HS3ST4: variants seen among roughly 807,000 people sequenced by gnomAD.
HS3ST4 encodes heparan sulfate glucosamine 3-O-sulfotransferase 4.
Under a neutral mutation model 29.2 loss-of-function variants are expected in HS3ST4, and 17 were observed. The observed-to-expected ratio is 0.58, with a 90% confidence interval of 0.40 to 0.87. The LOEUF (loss-of-function observed/expected upper bound fraction) is 0.87. Ranked by LOEUF, HS3ST4 falls within the 40% of genes least tolerant of loss-of-function variation. HS3ST4 has a pLI of 0.00. For missense variants in HS3ST4, 627 were observed against 634.5 expected (o/e 0.99, Z 0.13); for synonymous variants, 314 against 285.7 (o/e 1.10, Z -1.00).
chr16:25,922,938 C>T (rs1269365542), intron 1 of HS3ST4, among the ~76,000 whole-genome samples: 1 of 152,190 alleles, frequency 6.6e-6, no homozygotes, highest in African/African-American at 2.4e-5. Context: ...AAGGTCAGGG[C>T]CATTGGTCAG....
At chr16:25,771,456 C>T (rs1307310871) in intron 1 of HS3ST4, among the ~76,000 whole-genome samples, 1 of 152,044 alleles carries the variant, frequency 6.6e-6, no homozygotes, top group Admixed American at 6.6e-5. Context: ...TTTCCTACCC[C>T]AGGGCCTTTG....
chr16:25,826,897 G>A (rs1967222822), intron 1 of HS3ST4, among the ~76,000 whole-genome samples: 1 of 152,160 alleles, frequency 6.6e-6, no homozygotes, highest in Admixed American at 6.5e-5. Flanking sequence ...TTTCAAGACA[G>A]TGATGATCCT....
chr16:25,721,773 T>C (rs1349586810), intron 1 of HS3ST4, among the ~76,000 whole-genome samples: 2 of 152,296 alleles, frequency 1.3e-5, no homozygotes, highest in Non-Finnish European at 2.9e-5. Context: ...AAGAACGTCA[T>C]GAGGGAAAGA....
rs144127239 is a variant in HS3ST4 at position 25,935,117 on chromosome 16, C to T, written c.735-200495C>T. Among the ~76,000 whole-genome samples the T allele has an allele frequency of 4.4e-3, 665 of 152,256 alleles. 3 individuals carry two copies. The highest frequency in any genetic ancestry group is 0.016 in the African/African-American group (645 of 41,558). On this transcript the variant is annotated intron_variant, in intron 1 of 1. Transcript: ENST00000331351. ...CCACCGTGTGAGAAGGTCCAATCAC[C>T]TTCCACCATGATTGTAAGTTTCCTG...
chr16:26,099,722 A>G (rs187690058), intron 1 of HS3ST4, among the ~76,000 whole-genome samples: 1 of 152,300 alleles, frequency 6.6e-6, no homozygotes, highest in East Asian at 1.9e-4. Flanking sequence ...CAGGGCAGAT[A>G]AAAATCTCTA....
chr16:25,988,540 T>C (rs1969084359), intron 1 of HS3ST4, among the ~76,000 whole-genome samples: 1 of 152,198 alleles, frequency 6.6e-6, no homozygotes, highest in Non-Finnish European at 1.5e-5. Context: ...ATTGAACACA[T>C]GATCTAAGGT....
At chr16:25,886,179 C>T (rs1201217762) in intron 1 of HS3ST4, among the ~76,000 whole-genome samples, 2 of 151,756 alleles carry the variant, frequency 1.3e-5, no homozygotes, top group African/African-American at 4.8e-5. Flanking sequence ...ACTACAGGTG[C>T]GTGCCACCAT....
chr16:25,703,834 T>C (rs1327537533), intron 1 of HS3ST4, among the ~76,000 whole-genome samples: 1 of 152,206 alleles, frequency 6.6e-6, no homozygotes, highest in Non-Finnish European at 1.5e-5. Flanking sequence ...TTCCTTTAGG[T>C]GTTGGCTGAA....
rs556881747 is a variant in HS3ST4 at position 25,852,292 on chromosome 16, T to TA, written c.734+159147dup. Among the ~76,000 whole-genome samples the TA allele has an allele frequency of 6.9e-4, 105 of 152,252 alleles. 3 individuals carry two copies. In the South Asian group the frequency reaches 0.021, roughly 31 times the overall value. On this transcript the variant is annotated intron_variant, in intron 1 of 1. Coordinates refer to ENST00000331351, the MANE Select transcript of HS3ST4 (RefSeq NM_006040.3). ...GAAAGTCTGGTTTTTATTTCTTTTT[T>TA]AAAAAATTAATTTTAATTATTTTTA...
At chr16:25,785,639 G>A (rs1966856717) in intron 1 of HS3ST4, among the ~76,000 whole-genome samples, 1 of 152,208 alleles carries the variant, frequency 6.6e-6, no homozygotes, top group African/African-American at 2.4e-5. Flanking sequence ...GAGGCAGTTA[G>A]ATAATGAGTA....
intron 1 of HS3ST4, among the ~76,000 whole-genome samples, chr16:25,724,926 C>G (rs1034346746): frequency 6.6e-6 from 1 of 150,580 alleles, no homozygotes; most frequent in Non-Finnish European, 1.5e-5. Context: ...TTTTTTGCTG[C>G]TATTTTTCAA....
At chr16:25,835,492 G>GAA (rs34505838) in intron 1 of HS3ST4, among the ~76,000 whole-genome samples, 22 of 151,036 alleles carry the variant, frequency 1.5e-4, no homozygotes, top group South Asian at 2.1e-4. Context: ...GACAGATGAT[G>GAA]AAAAAAAAAA....
chr16:26,099,344 T>G (rs1012656966), intron 1 of HS3ST4, among the ~76,000 whole-genome samples: 2 of 152,148 alleles, frequency 1.3e-5, no homozygotes, highest in African/African-American at 4.8e-5. Context: ...TTTGTGGAGT[T>G]GGAGCCTCGC....
At chr16:26,093,597 C>T (rs2141791315) in intron 1 of HS3ST4, among the ~76,000 whole-genome samples, 1 of 152,180 alleles carries the variant, frequency 6.6e-6, no homozygotes, top group Middle Eastern at 3.4e-3. Flanking sequence ...ACACCAAAAC[C>T]CCATCTGTAG....
chr16:25,745,131 G>A (rs1460711922), intron 1 of HS3ST4, among the ~76,000 whole-genome samples: 2 of 152,110 alleles, frequency 1.3e-5, no homozygotes, highest in Non-Finnish European at 2.9e-5. Flanking sequence ...ACGCTTAGTT[G>A]CAAGAGGGCC....
chr16:25,960,846 G>A (rs1968786826), intron 1 of HS3ST4, among the ~76,000 whole-genome samples: 1 of 152,172 alleles, frequency 6.6e-6, no homozygotes, highest in African/African-American at 2.4e-5. Flanking sequence ...GCTCTTGAAG[G>A]AGATATAAAT....
chr16:26,060,813 G>A (rs1009249071), intron 1 of HS3ST4, among the ~76,000 whole-genome samples: 12 of 152,114 alleles, frequency 7.9e-5, no homozygotes, highest in African/African-American at 2.7e-4. Context: ...ACCACCCTGC[G>A]ATCGGTTGGC....
intron 1 of HS3ST4, among the ~76,000 whole-genome samples, chr16:25,793,712 A>G (rs985616351): frequency 1.3e-5 from 2 of 151,970 alleles, no homozygotes; most frequent in Admixed American, 1.3e-4. Context: ...TATAGTTTTA[A>G]TTTTAATTCA....
intron 1 of HS3ST4, among the ~76,000 whole-genome samples, chr16:25,723,982 C>T (rs1047932835): frequency 6.6e-5 from 10 of 151,866 alleles, no homozygotes; most frequent in African/African-American, 1.9e-4. Context: ...GGTGTGTCGG[C>T]GGGTGCCTGT....
Sources: gnomAD v4.1 joint callset for allele counts (sites outside exome capture counted in the v4.1 genomes callset) on GRCh38, gnomAD v4.1.1 for gene constraint, MANE v1.5 for transcripts, NCBI Gene and HGNC (gene_info 2026-07-23, HGNC 2026-07-21) for gene names.